FAM184A: variants seen among roughly 807,000 people sequenced by gnomAD.
The protein encoded by FAM184A is protein FAM184A.
Under a neutral mutation model 143.8 loss-of-function variants are expected in FAM184A, and 99 were observed. That is an observed-to-expected ratio of 0.69 (90% CI 0.58 to 0.81). FAM184A has a LOEUF of 0.81. Among genes scored for constraint, FAM184A ranks in the 40% least tolerant of loss-of-function variants. FAM184A has a pLI of 0.00. For synonymous variants in FAM184A, 427 were observed against 446.4 expected (o/e 0.96, Z 0.55); for missense variants, 1,217 against 1,310.5 (o/e 0.93, Z 1.10).
At chr6:119,098,882 G>T (rs1582614723) in intron 1 of FAM184A, among the ~76,000 whole-genome samples, 1 of 152,156 alleles carries the variant, frequency 6.6e-6, no homozygotes, top group Non-Finnish European at 1.5e-5. Context: ...GGCCGATGCG[G>T]GTGGATCACC....
At chr6:119,139,444 C>T (rs1371061709) in intron 1 of FAM184A, among the ~76,000 whole-genome samples, 2 of 152,010 alleles carry the variant, frequency 1.3e-5, no homozygotes, top group Admixed American at 6.5e-5. Flanking sequence ...AGTGCTCTGT[C>T]GAGGAAGATT....
At chr6:119,003,733 G>T in intron 7 of FAM184A, 111 bp from the exon 8 acceptor site, 1 of 1,057,748 alleles carries the variant, frequency 9.5e-7, no homozygotes, top group Non-Finnish European at 1.3e-6. Context: ...AATTCTTACA[G>T]CCCAATACTT....
At chr6:119,124,254 C>T (rs1279445948) in intron 1 of FAM184A, among the ~76,000 whole-genome samples, 1 of 152,158 alleles carries the variant, frequency 6.6e-6, no homozygotes. Context: ...ATTGCTCTTA[C>T]TCTAGTTCTT....
intron 9 of FAM184A, among the ~76,000 whole-genome samples, chr6:118,984,019 G>A (rs1406747816): frequency 2.0e-5 from 3 of 150,216 alleles, no homozygotes; most frequent in African/African-American, 4.9e-5. Context: ...GAGTGGTGGC[G>A]GGCGCCTGTA....
At chr6:119,047,838 T>A (rs904797718) in intron 1 of FAM184A, among the ~76,000 whole-genome samples, 2 of 152,048 alleles carry the variant, frequency 1.3e-5, no homozygotes, top group African/African-American at 2.4e-5. Flanking sequence ...AACTATTCCA[T>A]AAAATTGAGG....
At chr6:118,969,764 A>C (rs1211018702) in intron 14 of FAM184A, among the ~76,000 whole-genome samples, 1 of 150,134 alleles carries the variant, frequency 6.7e-6, no homozygotes, top group Admixed American at 6.7e-5. Context: ...CATCATCTAC[A>C]TTAGGTATTT....
chr6:119,037,713 T>C (rs978266592), intron 1 of FAM184A, among the ~76,000 whole-genome samples: 3 of 152,238 alleles, frequency 2.0e-5, no homozygotes, highest in African/African-American at 4.8e-5. Context: ...TTGCTAAGCA[T>C]TGGCAAAGCC....
chr6:119,125,400 C>T (rs1054422902), intron 1 of FAM184A, among the ~76,000 whole-genome samples: 4 of 152,120 alleles, frequency 2.6e-5, no homozygotes, highest in African/African-American at 4.8e-5. Context: ...CTCAGCCTCC[C>T]GAGTAGCTGG....
At chr6:119,143,747 G>A (rs1040241158) in intron 1 of FAM184A, among the ~76,000 whole-genome samples, 6 of 152,214 alleles carry the variant, frequency 3.9e-5, no homozygotes, top group African/African-American at 1.4e-4. Flanking sequence ...TGGATGAGAG[G>A]CATCTAGAGT....
chr6:118,999,761 T>G (rs1471621756), intron 9 of FAM184A, among the ~76,000 whole-genome samples: 1 of 152,190 alleles, frequency 6.6e-6, no homozygotes, highest in Non-Finnish European at 1.5e-5. Context: ...GTGATATAAA[T>G]GCAACTACCA....
chr6:119,003,235 T>A (rs1219687432), intron 8 of FAM184A, among the ~76,000 whole-genome samples, 186 bp from the exon 9 acceptor site: 2 of 152,172 alleles, frequency 1.3e-5, no homozygotes, highest in African/African-American at 2.4e-5. Flanking sequence ...CACTCATTTA[T>A]CAATTTATTA....
Position 119,016,875 on chromosome 6 carries a change from ATC to A in FAM184A, c.1400_1401del (p.Arg467IlefsTer14). On this transcript the variant is annotated frameshift_variant, in exon 5 of 18. Coordinates refer to ENST00000338891, the MANE Select transcript of FAM184A (RefSeq NM_024581.6). LOFTEE classifies it high-confidence loss of function. ...TTTAATTGAGTCACCTCCTCTTCCA[ATC>A]TACTTTGCAGGTTTTTAAGTTCCCT... is the stretch of plus-strand genomic sequence containing the variant. ...YERELKNLQS[R>X]LEEEVTQLNE... is the part of the protein sequence containing the mutation. 6.2e-7 allele frequency: 1 copy of A among 1,613,942 alleles called. No individual in the cohort carries two copies. The highest frequency in any genetic ancestry group is 8.5e-7 in the Non-Finnish European group (1 of 1,179,896).
At chr6:118,993,929 G>A (rs1199899290) in intron 9 of FAM184A, among the ~76,000 whole-genome samples, 1 of 152,144 alleles carries the variant, frequency 6.6e-6, no homozygotes, top group Non-Finnish European at 1.5e-5. Flanking sequence ...TCCCTAACAA[G>A]GCAAAGAAGG....
In FAM184A at chr6:119,116,921, G is replaced by A. The variant is rs145895368; in HGVS notation, c.-202+32157C>T. 7.9e-5 allele frequency among the ~76,000 whole-genome samples: 12 copies of A among 152,348 alleles called. No homozygotes were observed. In the East Asian group the frequency reaches 1.9e-3, roughly 24 times the overall value. ...GCCAGAAGAGGACCCTGGGGAGGAA[G>A]TGTGTGTATGTGAGATGAGCTCTGT... On this transcript the variant is annotated intron_variant, in intron 1 of 16. Transcript: ENST00000352896.
intron 1 of FAM184A, among the ~76,000 whole-genome samples, chr6:119,035,698 C>T (rs553599854): frequency 6.6e-6 from 1 of 152,168 alleles, no homozygotes; most frequent in Non-Finnish European, 1.5e-5. Flanking sequence ...ACAACCTTAT[C>T]TTAACCCAGA....
At chr6:118,961,324 C>CATAT (rs373554333) in intron 17 of FAM184A, among the ~76,000 whole-genome samples, 45 of 144,744 alleles carry the variant, frequency 3.1e-4, no homozygotes, top group Non-Finnish European at 5.3e-4. Context: ...TGACAATAAG[C>CATAT]ATATATATAT....
Position 118,965,755 on chromosome 6 carries a change from G to A in FAM184A, c.3034-984C>T, listed in dbSNP as rs907582802. On this transcript the variant is annotated intron_variant, in intron 15 of 17. Transcript: ENST00000338891. Reference sequence around the variant, plus strand: ...TTCCCTGGTGAGCTGTGCTGCTTTCGAAAGTTGCTTTACTGTATTTGCTGT... The same window carrying A: ...TTCCCTGGTGAGCTGTGCTGCTTTCAAAAGTTGCTTTACTGTATTTGCTGT... Among the ~76,000 whole-genome samples, 65 of 152,288 alleles carry A rather than the reference G, an allele frequency of 4.3e-4. 3 individuals are homozygous for A. Among genetic ancestry groups the A allele is most frequent in the Non-Finnish European group, 1.0e-4 (7 of 68,028 alleles).
chr6:118,962,036 T>C (rs557463255), intron 16 of FAM184A, 73 bp from the exon 17 acceptor site: 99 of 1,492,070 alleles, frequency 6.6e-5, no homozygotes, highest in African/African-American at 3.2e-4. Context: ...TGGTAGAAGA[T>C]AGAAATTTGG....
At chr6:119,060,134 A>G (rs371856535) in intron 1 of FAM184A, among the ~76,000 whole-genome samples, 64 of 152,324 alleles carry the variant, frequency 4.2e-4, no homozygotes, top group African/African-American at 1.4e-3. Flanking sequence ...AAAACCAGGT[A>G]CTGTTTTTAG....
Sources: allele counts gnomAD v4.1 joint callset (sites outside exome capture counted in the v4.1 genomes callset), GRCh38; gene constraint gnomAD v4.1.1; transcripts MANE v1.5; gene names NCBI Gene and HGNC (gene_info 2026-07-23, HGNC 2026-07-21).